DOK6: variants seen among roughly 807,000 people sequenced by gnomAD.
DOK6 encodes the protein docking protein 6.
DOK6 carries 22 observed loss-of-function variants against 44.0 expected under a neutral mutation model. The observed-to-expected ratio is 0.50, with a 90% confidence interval of 0.36 to 0.71. The LOEUF is 0.71. Ranked by LOEUF, DOK6 falls within the 30% of genes least tolerant of loss-of-function variation. The pLI, the probability that DOK6 is intolerant of heterozygous loss-of-function variation, is 0.00. For synonymous variants in DOK6, 166 were observed against 145.5 expected (o/e 1.14, Z -1.01); for missense variants, 340 against 416.4 (o/e 0.82, Z 1.60).
chr18:69,772,896 A>G (rs1979930259), intron 7 of DOK6, among the ~76,000 whole-genome samples: 1 of 152,084 alleles, frequency 6.6e-6, no homozygotes. Flanking sequence ...AAACAGAGGA[A>G]GCAGTCAACC....
chr18:69,784,909 CT>C (rs938478747), intron 7 of DOK6, among the ~76,000 whole-genome samples: 2 of 152,162 alleles, frequency 1.3e-5, no homozygotes, highest in Non-Finnish European at 2.9e-5. Context: ...GTCATAGAGA[CT>C]GTTTGTCACC....
chr18:69,760,240 A>C (rs551846515), intron 7 of DOK6, among the ~76,000 whole-genome samples: 55 of 152,208 alleles, frequency 3.6e-4, no homozygotes, highest in Non-Finnish European at 6.6e-4. Context: ...TCAGGGTAGA[A>C]TAAAACTATT....
rs61078235 is a variant in DOK6, at chr18:69,700,216, C to CATATATATATAT, written c.599+1630_599+1641dup. ...TATCAGTTAGTTTTACATATATATA[C>CATATATATATAT]ATATATATATATATATATGAATTGA... is the stretch of plus-strand genomic sequence containing the variant. On this transcript the variant is annotated intron_variant, in intron 5 of 7. Transcript: ENST00000382713. Among the ~76,000 whole-genome samples, 62 of 124,794 alleles carry CATATATATATAT rather than the reference C, an allele frequency of 5.0e-4. 2 individuals are homozygous for CATATATATATAT. Among genetic ancestry groups the CATATATATATAT allele is most frequent in the African/African-American group, 1.0e-3 (34 of 33,468 alleles). The allele number at this position is 124,794 out of a possible 152,430, so 81.9% of individuals were successfully genotyped here. A position where few individuals can be genotyped will look rare whatever the true frequency, so the allele number is the denominator to read the frequency against.
At chr18:69,804,906 T>A (rs1163638085) in intron 7 of DOK6, among the ~76,000 whole-genome samples, 1 of 152,170 alleles carries the variant, frequency 6.6e-6, no homozygotes, top group African/African-American at 2.4e-5. Context: ...GTGACGAGTA[T>A]CTACCAAAGG....
At chr18:69,495,248 A>G (rs989391160) in intron 1 of DOK6, among the ~76,000 whole-genome samples, 1 of 152,196 alleles carries the variant, frequency 6.6e-6, no homozygotes, top group African/African-American at 2.4e-5. Context: ...CCAGGTCTGG[A>G]GAGGGCCACA....
At position 69,589,809 on chromosome 18, in the gene DOK6, A is replaced by C. The variant is rs992142135; in HGVS notation, c.175-9575A>C. On this transcript the variant is annotated intron_variant, in intron 2 of 7. Coordinates refer to ENST00000382713, the MANE Select transcript of DOK6 (RefSeq NM_152721.6). ...ATATTCCAAATTTTACCGAGCATGC[A>C]AATAAAATAACTGAAAAACTTGGGC... is the stretch of plus-strand genomic sequence containing the variant. Among the ~76,000 whole-genome samples, 3 of 152,300 alleles carry C rather than the reference A, an allele frequency of 2.0e-5. No homozygotes were observed. The South Asian group carries it at 6.2e-4, about 32-fold the overall frequency.
chr18:69,404,136 A>G (rs1333783755), intron 1 of DOK6, among the ~76,000 whole-genome samples: 1 of 152,232 alleles, frequency 6.6e-6, no homozygotes, highest in Non-Finnish European at 1.5e-5. Flanking sequence ...AATTATTGAC[A>G]TGAAACATAA....
intron 7 of DOK6, among the ~76,000 whole-genome samples, chr18:69,774,050 G>GAT (rs768404701): frequency 0.018 from 2,483 of 139,956 alleles, 64 homozygotes; most frequent in African/African-American, 0.06. Flanking sequence ...GAATTTGTGA[G>GAT]ATATATATAT....
intron 1 of DOK6, among the ~76,000 whole-genome samples, chr18:69,417,660 AT>A (rs1193854989): frequency 6.6e-6 from 1 of 152,084 alleles, no homozygotes; most frequent in African/African-American, 2.4e-5. Context: ...GATGGAAATA[AT>A]TTTTATTTCC....
At position 69,828,004 on chromosome 18, in the gene DOK6, T is replaced by C. The variant is rs1000606186; in HGVS notation, c.857-13240T>C. 6.7e-4 allele frequency among the ~76,000 whole-genome samples: 102 copies of C among 152,034 alleles called. 1 individual carries two copies. The highest frequency in any genetic ancestry group is 2.4e-3 in the African/African-American group (99 of 41,560). On this transcript the variant is annotated intron_variant, in intron 7 of 7. Transcript: ENST00000382713. ...GACATTAATATGGTGTTTCAGTAAA[T>C]TTCTTTAAATAGCTCACTTTATGGT... is the stretch of plus-strand genomic sequence containing the variant.
At chr18:69,448,382 T>C (rs1345210263) in intron 1 of DOK6, among the ~76,000 whole-genome samples, 1 of 152,152 alleles carries the variant, frequency 6.6e-6, no homozygotes, top group East Asian at 1.9e-4. Flanking sequence ...TTTTTACTTT[T>C]ATTTTTGAGA....
chr18:69,796,950 T>G (rs913696729), intron 7 of DOK6, among the ~76,000 whole-genome samples: 2 of 152,214 alleles, frequency 1.3e-5, no homozygotes, highest in African/African-American at 4.8e-5. Context: ...GTAAGATTCT[T>G]GAAAAGAGCT....
intron 3 of DOK6, among the ~76,000 whole-genome samples, chr18:69,672,350 A>T (rs969678441): frequency 4.6e-5 from 7 of 151,950 alleles, no homozygotes; most frequent in African/African-American, 1.4e-4. Flanking sequence ...TTTGTTTGTT[A>T]GTTTGTTTGT....
At chr18:69,567,925 G>A (rs550742192) in intron 2 of DOK6, among the ~76,000 whole-genome samples, 1 of 152,336 alleles carries the variant, frequency 6.6e-6, no homozygotes, top group Admixed American at 6.5e-5. Context: ...CTTCTCAGCA[G>A]CTGCTGTGGC....
intron 5 of DOK6, among the ~76,000 whole-genome samples, chr18:69,727,045 C>T (rs182532807): frequency 6.6e-6 from 1 of 152,116 alleles, no homozygotes; most frequent in East Asian, 1.9e-4. Context: ...TTTATAGCAA[C>T]AGGGTCCTAC....
At chr18:69,512,499 A>G (rs1411190558) in intron 1 of DOK6, among the ~76,000 whole-genome samples, 1 of 151,910 alleles carries the variant, frequency 6.6e-6, no homozygotes, top group African/African-American at 2.4e-5. Context: ...GCCCACCACC[A>G]TGCCAAGCTA....
chr18:69,672,696 TAA>T (rs1175973597), intron 3 of DOK6, among the ~76,000 whole-genome samples: 1 of 27,526 alleles, frequency 3.6e-5, no homozygotes, highest in Non-Finnish European at 6.9e-5. Flanking sequence ...TTCCCACTAT[TAA>T]AAAAAAAAAG....
intron 1 of DOK6, among the ~76,000 whole-genome samples, chr18:69,416,900 G>C (rs1671825802): frequency 7.3e-6 from 1 of 136,240 alleles, no homozygotes; most frequent in African/African-American, 2.6e-5. Flanking sequence ...ACCATTTTAG[G>C]TTATGGCAAT....
At chr18:69,791,200 G>A (rs965720050) in intron 7 of DOK6, among the ~76,000 whole-genome samples, 1 of 152,122 alleles carries the variant, frequency 6.6e-6, no homozygotes, top group East Asian at 1.9e-4. Flanking sequence ...TGTCAATAGG[G>A]CTGCAATAAA....
Sources: gnomAD v4.1 joint callset for allele counts (sites outside exome capture counted in the v4.1 genomes callset) on GRCh38, gnomAD v4.1.1 for gene constraint, MANE v1.5 for transcripts, NCBI Gene and HGNC (gene_info 2026-07-23, HGNC 2026-07-21) for gene names.